Variants in EMCN observed in about 807,000 individuals in gnomAD.
EMCN encodes the protein MUC-14.
Under a neutral mutation model 38.4 loss-of-function variants are expected in EMCN, and 37 were observed. That is an observed-to-expected ratio of 0.96 (90% confidence interval 0.74 to 1.27). The LOEUF is 1.27. EMCN is among the 50% of genes most tolerant of loss of function. The pLI is 0.00. For missense variants in EMCN, 318 were observed against 302.8 expected (o/e 1.05, Z -0.37); for synonymous variants, 95 against 100.8 (o/e 0.94, Z 0.35).
At chr4:100,454,753 T>C (rs1194672050) in intron 4 of EMCN, among the ~76,000 whole-genome samples, 1 of 152,162 alleles carries the variant, frequency 6.6e-6, no homozygotes, top group African/African-American at 2.4e-5. Flanking sequence ...TAATTAAACA[T>C]TTGGTGTCTT....
intron 1 of EMCN, among the ~76,000 whole-genome samples, chr4:100,494,871 A>G (rs935939531): frequency 2.0e-5 from 3 of 152,196 alleles, no homozygotes; most frequent in Admixed American, 6.5e-5. Flanking sequence ...TTTTAAGAAC[A>G]AAAATATCTA....
intron 5 of EMCN, among the ~76,000 whole-genome samples, chr4:100,428,848 G>A (rs143255973): frequency 0.014 from 2,130 of 152,184 alleles, 54 homozygotes; most frequent in African/African-American, 0.047. Flanking sequence ...TAGCTGTTGC[G>A]TTTACGGAGC....
At chr4:100,507,267 T>C (rs899164859) in intron 1 of EMCN, among the ~76,000 whole-genome samples, 2 of 152,178 alleles carry the variant, frequency 1.3e-5, no homozygotes, top group Non-Finnish European at 2.9e-5. Flanking sequence ...CAAACAAAGC[T>C]GGAATTTAAG....
At chr4:100,504,695 G>A (rs1729434613) in intron 1 of EMCN, among the ~76,000 whole-genome samples, 1 of 152,224 alleles carries the variant, frequency 6.6e-6, no homozygotes, top group African/African-American at 2.4e-5. Context: ...CAGCGTCTGG[G>A]AAGACGCCTT....
Position 100,400,353 on chromosome 4 carries a change from A to ATTTT in EMCN, c.*40-1984_*40-1981dup, listed in dbSNP as rs3214622. ...TCTTTCCTCTCTTCACCTAGGCCAC[A>ATTTT]TTTTTTTTTTTTGTTTTTTGTTTTT... On this transcript the variant is annotated intron_variant, in intron 11 of 11. Coordinates refer to ENST00000296420, the MANE Select transcript of EMCN (RefSeq NM_016242.4). Among the ~76,000 whole-genome samples the ATTTT allele has an allele frequency of 1.1e-3, 168 of 146,824 alleles. 1 individual carries two copies. Among genetic ancestry groups the ATTTT allele is most frequent in the African/African-American group, 4.0e-3 (159 of 39,974 alleles).
intron 2 of EMCN, among the ~76,000 whole-genome samples, 168 bp downstream of exon 2, chr4:100,479,749 G>A (rs575515318): frequency 6.6e-6 from 1 of 152,098 alleles, no homozygotes; most frequent in African/African-American, 2.4e-5. Flanking sequence ...AGATCTCAGG[G>A]TTTTGTATGG....
Position 100,447,535 on chromosome 4 carries a change from G to A in EMCN, c.413C>T (p.Pro138Leu), listed in dbSNP as rs1282844425. 3.1e-6 allele frequency: 5 copies of A among 1,601,420 alleles called. No individual in the cohort carries two copies. In the African/African-American group the frequency reaches 5.4e-5, roughly 17 times the overall value. Residue 138 changes from proline (P) to leucine (L), a missense_variant and splice_region_variant, in exon 5 of 12, where the codon CCA (proline) becomes CTA (leucine). By Grantham distance (98) the Pro-to-Leu change is moderately conservative. Transcript: ENST00000296420. ...GAGACAGAGAAAAAAGAGCTTACCT[G>A]GTATTTCTGTTGTTTTAATTGAACT... ...TQSSIKTTEI[P>L]GSVLQPDASP... is the part of the protein sequence containing the mutation.
intron 4 of EMCN, among the ~76,000 whole-genome samples, chr4:100,450,281 T>C (rs1727800508): frequency 6.6e-6 from 1 of 152,006 alleles, no homozygotes; most frequent in Non-Finnish European, 1.5e-5. Flanking sequence ...GTTTAATTTT[T>C]GAATATGAAA....
At chr4:100,421,927 C>G (rs1202522170) in intron 7 of EMCN, among the ~76,000 whole-genome samples, 1 of 151,916 alleles carries the variant, frequency 6.6e-6, no homozygotes, top group African/African-American at 2.4e-5. Flanking sequence ...GTATGTGTGT[C>G]TGTTTGGGGG....
rs73833354 is a variant in EMCN, at chr4:100,478,348, C to T, written c.187+1569G>A. Reference sequence around the variant, plus strand: ...CCCTCCCACTGCTAGATTTATGTTTCGAGATTTTAACCCTTAAAATTCTCA... The same window carrying T: ...CCCTCCCACTGCTAGATTTATGTTTTGAGATTTTAACCCTTAAAATTCTCA... On this transcript the variant is annotated intron_variant, in intron 2 of 11. Transcript: ENST00000296420. Among the ~76,000 whole-genome samples, 1,494 of 152,146 alleles carry T rather than the reference C, an allele frequency of 9.8e-3. 25 individuals carry two copies. The highest frequency in any genetic ancestry group is 0.033 in the African/African-American group (1,376 of 41,498).
At chr4:100,495,158 TCAATCTCAACA>T (rs1290243701) in intron 1 of EMCN, among the ~76,000 whole-genome samples, 1 of 152,056 alleles carries the variant, frequency 6.6e-6, no homozygotes, top group African/African-American at 2.4e-5. Flanking sequence ...GAATAAGTCT[TCAATCTCAACA>T]TATTTTATAT....
intron 1 of EMCN, among the ~76,000 whole-genome samples, chr4:100,488,170 A>G (rs1728988969): frequency 6.6e-6 from 1 of 152,210 alleles, no homozygotes; most frequent in African/African-American, 2.4e-5. Context: ...ATGTCTCCTC[A>G]ACTGTGAAAC....
At chr4:100,423,769 T>C (rs1228178835) in intron 5 of EMCN, among the ~76,000 whole-genome samples, 1 of 152,142 alleles carries the variant, frequency 6.6e-6, no homozygotes, top group African/African-American at 2.4e-5. Flanking sequence ...TGGGTGATAG[T>C]GTTTTTTTTC....
chr4:100,483,087 C>G (rs1001710975), intron 1 of EMCN, among the ~76,000 whole-genome samples: 1 of 152,066 alleles, frequency 6.6e-6, no homozygotes, highest in Non-Finnish European at 1.5e-5. Flanking sequence ...ACAGCATGCC[C>G]TCTTTTGGCA....
At chr4:100,441,461 T>C (rs1306043037) in intron 5 of EMCN, among the ~76,000 whole-genome samples, 1 of 152,208 alleles carries the variant, frequency 6.6e-6, no homozygotes, top group Non-Finnish European at 1.5e-5. Flanking sequence ...CATTCAACCA[T>C]TCTATGTCTT....
At chr4:100,433,543 C>CT (rs569890822) in intron 5 of EMCN, among the ~76,000 whole-genome samples, 4,676 of 147,064 alleles carry the variant, frequency 0.032, 245 homozygotes, top group African/African-American at 0.11. Context: ...ATTTTTTTTC[C>CT]TTTTTTTTTT....
chr4:100,443,766 G>A (rs1370757280), intron 5 of EMCN, among the ~76,000 whole-genome samples: 1 of 152,180 alleles, frequency 6.6e-6, no homozygotes, highest in Non-Finnish European at 1.5e-5. Flanking sequence ...CCTCTGAGGT[G>A]CACCTCACCA....
Position 100,482,397 on chromosome 4 carries a change from C to G in EMCN, c.65-2358G>C, listed in dbSNP as rs1361782628. The stretch of plus-strand genomic sequence containing the variant: ...AGTTAAAAATTTGAAAGCTGCTGGA[C>G]AAACAATAAATTGGAAAAGACTTTA... On this transcript the variant is annotated intron_variant, in intron 1 of 11. Coordinates refer to ENST00000296420, the MANE Select transcript of EMCN (RefSeq NM_016242.4). Among the ~76,000 whole-genome samples the G allele has an allele frequency of 3.3e-5, 5 of 151,900 alleles. No homozygotes were observed. The South Asian group carries it at 1.0e-3, about 31-fold the overall frequency.
intron 9 of EMCN, among the ~76,000 whole-genome samples, chr4:100,416,676 T>C (rs1214396881): frequency 1.3e-5 from 2 of 152,200 alleles, no homozygotes; most frequent in South Asian, 4.1e-4. Context: ...TGCAGCACCT[T>C]GGTTGTTACA....
Sources: gnomAD v4.1 joint callset for allele counts (sites outside exome capture counted in the v4.1 genomes callset) on GRCh38, gnomAD v4.1.1 for gene constraint, MANE v1.5 for transcripts, NCBI Gene and HGNC (gene_info 2026-07-23, HGNC 2026-07-21) for gene names.